Variants in ATP6V0A4 observed in about 807,000 individuals in gnomAD.
The protein encoded by ATP6V0A4 is V-type proton ATPase 116 kDa subunit a 4.
In ATP6V0A4, 86 loss-of-function variants were observed where a neutral mutation model predicts 107.3. The ratio of observed to expected loss-of-function variants is 0.80; its 90% CI spans 0.67 to 0.96. The LOEUF is 0.96. Ranked by LOEUF, ATP6V0A4 falls within the 40% of genes least tolerant of loss-of-function variation. The probability of loss-of-function intolerance (pLI) is 0.00; values close to 1 mark genes in which losing one functional copy is unlikely to be tolerated. For missense variants in ATP6V0A4, 908 were observed against 1,045.6 expected, an observed-to-expected ratio of 0.87 and a Z score of 1.81; for synonymous variants, 353 against 381.4, an observed-to-expected ratio of 0.93 and a Z score of 0.87.
intron 15 of ATP6V0A4, among the ~76,000 whole-genome samples, chr7:138,737,763 CTT>C (rs35898810): frequency 6.9e-5 from 9 of 130,912 alleles, no homozygotes; most frequent in Admixed American, 7.9e-5. Context: ...GGTATTTTTA[CTT>C]TTTTTTTTTT....
chr7:138,772,281 A>G (rs1279122869), intron 2 of ATP6V0A4, among the ~76,000 whole-genome samples: 4 of 152,126 alleles, frequency 2.6e-5, no homozygotes, highest in African/African-American at 9.7e-5. Flanking sequence ...GAAACAGATG[A>G]ACAAGAATGT....
intron 8 of ATP6V0A4, among the ~76,000 whole-genome samples, chr7:138,758,172 T>A (rs1402969830): frequency 6.6e-6 from 1 of 152,220 alleles, no homozygotes; most frequent in Non-Finnish European, 1.5e-5. Flanking sequence ...AGTGATGATT[T>A]AATGTCAAAT....
At chr7:138,718,201 G>GGGGTGTGT (rs1554389498) in intron 19 of ATP6V0A4, among the ~76,000 whole-genome samples, 2 of 45,540 alleles carry the variant, frequency 4.4e-5, no homozygotes, top group African/African-American at 2.8e-4. Context: ...GGAAGGAATG[G>GGGGTGTGT]GTGTGTGTGT....
chr7:138,797,751 GA>G (rs1326334785), intron 1 of ATP6V0A4, among the ~76,000 whole-genome samples: 3 of 152,106 alleles, frequency 2.0e-5, no homozygotes, highest in Admixed American at 6.6e-5. Context: ...GCAGATGGGA[GA>G]GGCAGCAAAC....
At position 138,722,606 on chromosome 7, in the gene ATP6V0A4, G is replaced by A. The variant is rs184389145; in HGVS notation, c.2011-581C>T. On this transcript the variant is annotated intron_variant, in intron 18 of 21. Transcript: ENST00000310018. The stretch of plus-strand genomic sequence containing the variant: ...TTAAAAATACAAAAAATAGCTGGGC[G>A]TGGTGGTGCATGCCTGTAATCCCAG... Among the ~76,000 whole-genome samples, 245 of 151,478 alleles carry A rather than the reference G, an allele frequency of 1.6e-3. 2 individuals carry two copies. Among genetic ancestry groups the A allele is most frequent in the South Asian group, 8.0e-3 (38 of 4,772 alleles).
At chr7:138,780,387 A>C (rs1807863520) in intron 2 of ATP6V0A4, among the ~76,000 whole-genome samples, 1 of 152,120 alleles carries the variant, frequency 6.6e-6, no homozygotes, top group East Asian at 1.9e-4. Context: ...CAGGAGGTGG[A>C]GGCTCAGGTG....
intron 3 of ATP6V0A4, among the ~76,000 whole-genome samples, chr7:138,770,294 A>T (rs2117335758): frequency 6.6e-6 from 1 of 152,156 alleles, no homozygotes; most frequent in South Asian, 2.1e-4. Context: ...GAAGGAAAGG[A>T]AGTCTGTCCT....
At chr7:138,757,882 T>G (rs1584931177) in intron 8 of ATP6V0A4, among the ~76,000 whole-genome samples, 1 of 152,234 alleles carries the variant, frequency 6.6e-6, no homozygotes, top group African/African-American at 2.4e-5. Context: ...AAATGAATCC[T>G]GTCTTTGGCA....
chr7:138,767,272 C>T (rs1318176539), intron 5 of ATP6V0A4, among the ~76,000 whole-genome samples: 2 of 152,210 alleles, frequency 1.3e-5, no homozygotes, highest in Non-Finnish European at 2.9e-5. Flanking sequence ...CCTGTAATCC[C>T]AGCACTTTGG....
chr7:138,716,810 T>G (rs534919139), intron 19 of ATP6V0A4, among the ~76,000 whole-genome samples: 17 of 152,302 alleles, frequency 1.1e-4, no homozygotes, highest in African/African-American at 3.8e-4. Context: ...GCAATCTGCC[T>G]GCCTCAGCCT....
chr7:138,712,227 G>A (rs1485182822), intron 20 of ATP6V0A4, among the ~76,000 whole-genome samples: 1 of 146,198 alleles, frequency 6.8e-6, no homozygotes, highest in African/African-American at 2.7e-5. Context: ...GAGCCACCAC[G>A]CCCAGCCCCA....
intron 16 of ATP6V0A4, among the ~76,000 whole-genome samples, 156 bp downstream of exon 16, chr7:138,733,980 C>G (rs751235806): frequency 6.6e-6 from 1 of 152,098 alleles, no homozygotes; most frequent in Non-Finnish European, 1.5e-5. Context: ...TCCAGCCAAC[C>G]AGCTTGTCTT....
rs1806707296 is a variant in ATP6V0A4 at position 138,759,820 on chromosome 7, G to A, written c.571C>T (p.Arg191Ter). 2.5e-6 allele frequency: 4 copies of A among 1,614,100 alleles called. No individual in the cohort carries two copies. The highest frequency in any genetic ancestry group is 3.4e-6 in the Non-Finnish European group (4 of 1,180,022). The change falls in exon 8 of 22, where the codon CGA becomes TGA. Residue 191 changes from arginine to a stop codon, truncating the protein, a stop_gained. Coordinates refer to ENST00000310018, the MANE Select transcript of ATP6V0A4 (RefSeq NM_020632.3). LOFTEE classifies it high-confidence loss of function. ...RMASFERLLW[R>*]ICRGNVYLKF... Reference sequence around the variant, plus strand: ...AAGTACACGTTTCCTCGGCAGATTCGCCACAGTAACCGCTCAAAGGAAGCC... The same window carrying A: ...AAGTACACGTTTCCTCGGCAGATTCACCACAGTAACCGCTCAAAGGAAGCC...
intron 5 of ATP6V0A4, 100 bp downstream of exon 5, chr7:138,768,680 G>T: frequency 7.0e-7 from 1 of 1,426,424 alleles, no homozygotes; most frequent in Non-Finnish European, 9.6e-7. Context: ...CTGCCTTCAA[G>T]CAAACAGGTA....
In ATP6V0A4 at chr7:138,774,632, T is replaced by TTA. The variant is rs201378997; in HGVS notation, c.-17-3370_-17-3369dup. Among the ~76,000 whole-genome samples the TTA allele has an allele frequency of 2.7e-3, 397 of 147,152 alleles. 2 individuals are homozygous for TTA. The highest frequency in any genetic ancestry group is 9.2e-3 in the African/African-American group (375 of 40,560). ...CTATATATATAATATATTATATACA[T>TTA]TATATATATTATATACATTATATAT... On this transcript the variant is annotated intron_variant, in intron 2 of 21. Transcript: ENST00000310018.
At chr7:138,721,565 C>A (rs77345506) in intron 19 of ATP6V0A4, among the ~76,000 whole-genome samples, 2 of 152,062 alleles carry the variant, frequency 1.3e-5, no homozygotes, top group Admixed American at 1.3e-4. Context: ...CTTATAGGGG[C>A]GTGGTGCTGA....
intron 1 of ATP6V0A4, among the ~76,000 whole-genome samples, chr7:138,792,062 A>G (rs1456713237): frequency 6.6e-6 from 1 of 152,186 alleles, no homozygotes; most frequent in African/African-American, 2.4e-5. Context: ...TAATCCCAGC[A>G]CTTTGGGAGG....
intron 10 of ATP6V0A4, among the ~76,000 whole-genome samples, chr7:138,753,714 T>C (rs1253734200): frequency 6.6e-6 from 1 of 152,150 alleles, no homozygotes; most frequent in Non-Finnish European, 1.5e-5. Context: ...GGCTCTAAGA[T>C]TAACGAGAGC....
chr7:138,797,996 A>G (rs1038397491), intron 1 of ATP6V0A4, 38 bp downstream of exon 1: 2 of 1,547,864 alleles, frequency 1.3e-6, no homozygotes, highest in African/African-American at 1.4e-5. Context: ...CCTCTGGCAG[A>G]GTTGCTTTCC....
Sources: allele counts gnomAD v4.1 joint callset (sites outside exome capture counted in the v4.1 genomes callset), GRCh38; gene constraint gnomAD v4.1.1; transcripts MANE v1.5; gene names NCBI Gene and HGNC (gene_info 2026-07-23, HGNC 2026-07-21).